The following NEMF variants were observed in gnomAD, a reference collection of about 807,000 sequenced individuals.
The protein encoded by NEMF is ribosome quality control complex subunit NEMF.
NEMF carries 89 observed loss-of-function variants against 162.2 expected under a neutral mutation model. That is an observed-to-expected ratio of 0.55 (90% CI 0.46 to 0.65). The LOEUF is 0.65. Among genes scored for constraint, NEMF ranks in the 30% least tolerant of loss-of-function variants. The pLI is 0.00. For synonymous variants in NEMF, 421 were observed against 404.5 expected, an observed-to-expected ratio of 1.04 and a Z score of -0.49; for missense variants, 1,133 against 1,261.9, an observed-to-expected ratio of 0.90 and a Z score of 1.55.
intron 14 of NEMF, 41 bp from the exon 15 acceptor site, chr14:49,828,395 T>G: frequency 7.7e-7 from 1 of 1,304,736 alleles, no homozygotes; most frequent in Non-Finnish European, 1.1e-6. Context: ...GTATAATATT[T>G]ATTCTTCAGT....
intron 16 of NEMF, among the ~76,000 whole-genome samples, chr14:49,825,505 G>A (rs906338197): frequency 6.6e-6 from 1 of 152,172 alleles, no homozygotes; most frequent in Non-Finnish European, 1.5e-5. Context: ...TGAGGCTGAG[G>A]CAGGAGGATC....
chr14:49,798,767 C>A (rs1890807888), intron 25 of NEMF, among the ~76,000 whole-genome samples: 2 of 152,046 alleles, frequency 1.3e-5, no homozygotes. Context: ...ATTAGCCGGG[C>A]ATGGTGGTGG....
intron 18 of NEMF, among the ~76,000 whole-genome samples, chr14:49,812,316 T>C (rs983203160): frequency 2.0e-4 from 30 of 152,180 alleles, no homozygotes; most frequent in African/African-American, 7.2e-4. Context: ...TCTTGGTCAG[T>C]CTAGCCAAGG....
chr14:49,826,993 G>C (rs1048400953), intron 15 of NEMF, among the ~76,000 whole-genome samples: 4 of 152,096 alleles, frequency 2.6e-5, no homozygotes, highest in African/African-American at 9.7e-5. Flanking sequence ...CCTGAGAGGG[G>C]AGCACGTGTC....
At chr14:49,795,296 C>A (rs534248202) in intron 26 of NEMF, among the ~76,000 whole-genome samples, 2 of 148,604 alleles carry the variant, frequency 1.3e-5, no homozygotes, top group Non-Finnish European at 3.0e-5. Flanking sequence ...GCCCTGACTG[C>A]ACCACTGCAT....
chr14:49,784,868 T>C (rs1890086808), intron 32 of NEMF, 57 bp downstream of exon 32: 5 of 1,492,564 alleles, frequency 3.3e-6, no homozygotes, highest in Non-Finnish European at 2.8e-6. Flanking sequence ...AAAAAACTGC[T>C]AACATTTTAA....
At chr14:49,817,705 T>C (rs900641595) in intron 16 of NEMF, among the ~76,000 whole-genome samples, 2 of 152,190 alleles carry the variant, frequency 1.3e-5, no homozygotes, top group African/African-American at 4.8e-5. Flanking sequence ...TTATAAACTT[T>C]CTGCCAATAT....
intron 6 of NEMF, among the ~76,000 whole-genome samples, chr14:49,835,266 A>G (rs926972203): frequency 3.3e-5 from 5 of 152,172 alleles, no homozygotes; most frequent in Admixed American, 1.3e-4. Flanking sequence ...GAAATTTGAA[A>G]CTACAATTAA....
chr14:49,820,515 T>C (rs1216358953), intron 16 of NEMF: 1 of 456,042 alleles, frequency 2.2e-6, no homozygotes. Flanking sequence ...ATGCCTATAA[T>C]CCCGGCACTT....
chr14:49,834,160 C>A (rs569018008), intron 7 of NEMF: 266 of 585,080 alleles, frequency 4.5e-4, no homozygotes, highest in Non-Finnish European at 7.8e-4. Context: ...GTGCAGTCAC[C>A]ACCCACTGCA....
chr14:49,848,703 C>T (rs909938862), intron 3 of NEMF, among the ~76,000 whole-genome samples: 4 of 151,844 alleles, frequency 2.6e-5, no homozygotes, highest in African/African-American at 4.8e-5. Flanking sequence ...GGCATGGTGG[C>T]GTGTGCCTGT....
intron 4 of NEMF, 70 bp from the exon 5 acceptor site, chr14:49,840,936 C>T: frequency 7.2e-7 from 1 of 1,387,956 alleles, no homozygotes; most frequent in Non-Finnish European, 9.9e-7. Flanking sequence ...GTGGCTCACA[C>T]CTGTAACCCC....
At chr14:49,820,941 A>C (rs1402701415) in intron 16 of NEMF, among the ~76,000 whole-genome samples, 1 of 150,892 alleles carries the variant, frequency 6.6e-6, no homozygotes, top group African/African-American at 2.4e-5. Flanking sequence ...GGAAGTGAGG[A>C]GCGCCTCTTC....
intron 6 of NEMF, among the ~76,000 whole-genome samples, chr14:49,836,817 T>C (rs1388738572): frequency 1.3e-5 from 2 of 152,234 alleles, no homozygotes; most frequent in African/African-American, 2.4e-5. Context: ...CATAATGAGA[T>C]ACCTTGGGGA....
At chr14:49,794,295 G>A (rs1235180529) in intron 26 of NEMF, among the ~76,000 whole-genome samples, 1 of 152,040 alleles carries the variant, frequency 6.6e-6, no homozygotes, top group African/African-American at 2.4e-5. Context: ...TCTCAATTCT[G>A]ATTAAAGTCA....
Position 49,829,172 on chromosome 14 carries a change from G to A in NEMF, c.1114C>T (p.Gln372Ter), listed in dbSNP as rs1892515824. Residue 372 changes from glutamine to a stop codon, truncating the protein, a stop_gained, in exon 13 of 33, where the codon CAG becomes TAG. Coordinates refer to ENST00000298310, the MANE Select transcript of NEMF (RefSeq NM_004713.6). LOFTEE classifies it high-confidence loss of function. ...AACCCAATTTCTGTCCAATCTATCTGGTTAGCTAAAGCACTTCGAACTACC... is the reference window on the plus strand; with the variant it reads ...AACCCAATTTCTGTCCAATCTATCTAGTTAGCTAAAGCACTTCGAACTACC... ...IQVVRSALAN[Q>*]IDWTEIGLIV... 2 of 1,613,960 alleles carry A rather than the reference G, an allele frequency of 1.2e-6. No individual in the cohort carries two copies. Among genetic ancestry groups the A allele is most frequent in the African/African-American group, 1.3e-5 (1 of 74,908 alleles).
At chr14:49,794,573 A>AC (rs1890597889) in intron 26 of NEMF, among the ~76,000 whole-genome samples, 3 of 151,324 alleles carry the variant, frequency 2.0e-5, no homozygotes, top group Non-Finnish European at 4.4e-5. Context: ...ATGCCTGTAA[A>AC]TAGCCACTAC....
At position 49,831,360 on chromosome 14, in the gene NEMF, G is replaced by A. The variant is rs996673326; in HGVS notation, c.884C>T (p.Ala295Val). ...PYIEFESFDK[A>V]VDEFYSKIEG... ...TATCTTGGAATAAAATTCATCCACC[G>A]CCTTATTAAAAAAACAAACAACTAG... Residue 295 changes from alanine to valine, a missense_variant and splice_region_variant, in exon 11 of 33, where the codon GCG (alanine) becomes GTG (valine). Transcript: ENST00000298310. 7 of 1,590,490 alleles carry A rather than the reference G, an allele frequency of 4.4e-6. No individual in the cohort carries two copies. Among genetic ancestry groups the A allele is most frequent in the Admixed American group, 1.7e-5 (1 of 59,458 alleles).
At chr14:49,834,920 T>C (rs1892823423) in intron 6 of NEMF, among the ~76,000 whole-genome samples, 1 of 152,238 alleles carries the variant, frequency 6.6e-6, no homozygotes, top group African/African-American at 2.4e-5. Context: ...GTTCTTAGAC[T>C]GGGTGCGGTG....
Sources: allele counts gnomAD v4.1 joint callset (sites outside exome capture counted in the v4.1 genomes callset), GRCh38; gene constraint gnomAD v4.1.1; transcripts MANE v1.5; gene names NCBI Gene and HGNC (gene_info 2026-07-23, HGNC 2026-07-21).